The following ZNF536 variants were observed in gnomAD, a reference collection of about 807,000 sequenced individuals.
The protein encoded by ZNF536 is zinc finger protein 536.
In ZNF536, 13 loss-of-function variants were observed where a neutral mutation model predicts 84.5. The ratio of observed to expected loss-of-function variants is 0.15; its 90% CI spans 0.10 to 0.24. ZNF536 has a LOEUF of 0.24. ZNF536 is among the 10% of genes least tolerant of loss of function. The probability of loss-of-function intolerance (pLI) is 1.00; values close to 1 mark genes in which losing one functional copy is unlikely to be tolerated. For synonymous variants in ZNF536, 811 were observed against 742.5 expected, an observed-to-expected ratio of 1.09 and a Z score of -1.50; for missense variants, 1,536 against 1,747.5, an observed-to-expected ratio of 0.88 and a Z score of 2.16.
At chr19:30,425,657 G>C (rs987654345) in intron 1 of ZNF536, among the ~76,000 whole-genome samples, 16 of 152,100 alleles carry the variant, frequency 1.1e-4, no homozygotes, top group African/African-American at 3.6e-4. Flanking sequence ...AACCATCCTT[G>C]TAGCTCCCTG....
intron 2 of ZNF536, among the ~76,000 whole-genome samples, chr19:30,460,205 C>T (rs926207145): frequency 1.3e-5 from 2 of 152,142 alleles, no homozygotes; most frequent in Admixed American, 1.3e-4. Flanking sequence ...TGGGGTGTAC[C>T]ACTTGGTTCA....
At chr19:30,475,563 C>G (rs2053811222) in intron 2 of ZNF536, among the ~76,000 whole-genome samples, 1 of 152,256 alleles carries the variant, frequency 6.6e-6, no homozygotes, top group Non-Finnish European at 1.5e-5. Flanking sequence ...CCTCCCCTTT[C>G]TTCCCACTGC....
intron 1 of ZNF536, among the ~76,000 whole-genome samples, chr19:30,231,695 G>C (rs566037015): frequency 6.6e-6 from 1 of 152,292 alleles, no homozygotes; most frequent in African/African-American, 2.4e-5. Context: ...TGGTCCCCTT[G>C]GTGGCATTGA....
At chr19:30,330,898 C>G (rs1196045603) in intron 2 of ZNF536, among the ~76,000 whole-genome samples, 1 of 152,198 alleles carries the variant, frequency 6.6e-6, no homozygotes, top group Non-Finnish European at 1.5e-5. Context: ...CACTGCTCCG[C>G]TCACACAATT....
At position 30,283,742 on chromosome 19, in the gene ZNF536, GGAGA is replaced by G. The variant is rs3085764; in HGVS notation, c.-189-312_-189-309del. Among the ~76,000 whole-genome samples, 40 of 146,720 alleles carry G rather than the reference GGAGA, an allele frequency of 2.7e-4. 1 individual carries two copies. Among genetic ancestry groups the G allele is most frequent in the East Asian group, 7.9e-4 (4 of 5,042 alleles). On this transcript the variant is annotated intron_variant, in intron 1 of 5. Transcript: ENST00000585628. ...CAGCGAGAGAGAAAGAGAGAGAGAG[GGAGA>G]GAGAGAGAGAGAGAGAGCCCTTATA...
chr19:30,560,896 T>G (rs961885469), downstream of ZNF536, among the ~76,000 whole-genome samples: 1 of 152,250 alleles, frequency 6.6e-6, no homozygotes, highest in African/African-American at 2.4e-5. Flanking sequence ...GTAAGCAGAT[T>G]CTGCCTCTGG....
intron 1 of ZNF536, among the ~76,000 whole-genome samples, chr19:30,614,853 G>GATTT (rs2048225209): frequency 6.8e-6 from 1 of 146,096 alleles, no homozygotes; most frequent in Non-Finnish European, 1.5e-5. Flanking sequence ...TTTATGCTTA[G>GATTT]ATTTATCAGT....
intron 2 of ZNF536, among the ~76,000 whole-genome samples, chr19:30,318,071 G>A (rs1158785516): frequency 6.6e-6 from 1 of 152,328 alleles, no homozygotes; most frequent in Non-Finnish European, 1.5e-5. Context: ...TGGCAGAACG[G>A]CCAAGTGTCG....
At chr19:30,645,934 G>A (rs763769205) in intron 1 of ZNF536, among the ~76,000 whole-genome samples, 11 of 152,064 alleles carry the variant, frequency 7.2e-5, no homozygotes, top group East Asian at 3.9e-4. Flanking sequence ...TCGCCATGCC[G>A]TTGCCCAGCC....
intron 1 of ZNF536, among the ~76,000 whole-genome samples, chr19:30,427,336 G>A (rs774755563): frequency 2.0e-5 from 3 of 152,348 alleles, no homozygotes; most frequent in South Asian, 2.1e-4. Flanking sequence ...AGAGTGATAG[G>A]AAGAGAGATA....
upstream of ZNF536, among the ~76,000 whole-genome samples, chr19:30,371,002 G>A (rs760069502): frequency 6.6e-6 from 1 of 152,192 alleles, no homozygotes; most frequent in Non-Finnish European, 1.5e-5. Context: ...ATTGATTGTG[G>A]TAAAGACTTC....
At chr19:30,303,775 G>T (rs1422653536) in intron 2 of ZNF536, among the ~76,000 whole-genome samples, 2 of 152,166 alleles carry the variant, frequency 1.3e-5, no homozygotes, top group African/African-American at 4.8e-5. Context: ...TTACAGGCAT[G>T]AGCCACCATG....
chr19:30,613,661 A>G (rs1293957787), intron 1 of ZNF536, among the ~76,000 whole-genome samples: 1 of 152,212 alleles, frequency 6.6e-6, no homozygotes, highest in African/African-American at 2.4e-5. Context: ...ACACAAGCAC[A>G]TAACTAAAAC....
At chr19:30,495,227 T>C (rs2054671819) in intron 2 of ZNF536, among the ~76,000 whole-genome samples, 1 of 152,184 alleles carries the variant, frequency 6.6e-6, no homozygotes, top group Admixed American at 6.5e-5. Context: ...AGTGAGATGT[T>C]GGCTATAAGG....
intron 1 of ZNF536, among the ~76,000 whole-genome samples, chr19:30,575,550 G>T (rs1029249056): frequency 1.3e-5 from 2 of 152,224 alleles, no homozygotes; most frequent in Non-Finnish European, 2.9e-5. Flanking sequence ...CTGTGCACCA[G>T]ATCCTTTCCT....
intron 1 of ZNF536, among the ~76,000 whole-genome samples, chr19:30,580,987 A>G (rs2046901189): frequency 6.6e-6 from 1 of 152,224 alleles, no homozygotes; most frequent in African/African-American, 2.4e-5. Flanking sequence ...TGATTTTCCT[A>G]GAAGAATTGG....
chr19:30,367,699 G>A (rs945873151), upstream of ZNF536, among the ~76,000 whole-genome samples: 4 of 152,218 alleles, frequency 2.6e-5, no homozygotes, highest in African/African-American at 4.8e-5. Flanking sequence ...TGCTGGTCGC[G>A]TGACAGCAGC....
intron 2 of ZNF536, among the ~76,000 whole-genome samples, chr19:30,318,649 G>A (rs551352708): frequency 2.6e-5 from 4 of 152,368 alleles, no homozygotes; most frequent in South Asian, 2.1e-4. Context: ...GTGTGTGTGC[G>A]CATGAGTCTG....
chr19:30,442,409 G>C (rs929346656), intron 1 of ZNF536, among the ~76,000 whole-genome samples: 3 of 152,260 alleles, frequency 2.0e-5, no homozygotes, highest in Non-Finnish European at 4.4e-5. Flanking sequence ...ACATACTGCA[G>C]GTACAATTTG....
Sources: allele counts gnomAD v4.1 joint callset (sites outside exome capture counted in the v4.1 genomes callset), GRCh38; gene constraint gnomAD v4.1.1; transcripts MANE v1.5; gene names NCBI Gene and HGNC (gene_info 2026-07-23, HGNC 2026-07-21).